MYO15B: variants seen among roughly 807,000 people sequenced by gnomAD.
MYO15B encodes myosin XVB pseudogene.
MYO15B carries 207 observed loss-of-function variants against 119.3 expected under a neutral mutation model. The ratio of observed to expected loss-of-function variants is 1.73; its 90% CI spans 1.55 to 1.95. The LOEUF is 1.95. MYO15B is among the 30% of genes most tolerant of loss of function. The probability of loss-of-function intolerance (pLI) is 0.00; values close to 1 mark genes in which losing one functional copy is unlikely to be tolerated. For synonymous variants in MYO15B, 966 were observed against 498.9 expected, an observed-to-expected ratio of 1.94 and a Z score of -12.48; for missense variants, 2,264 against 1,203.1, an observed-to-expected ratio of 1.88 and a Z score of -13.04.
At chr17:75,599,335 C>T (rs929333299) in intron 14 of MYO15B, among the ~76,000 whole-genome samples, 17 of 151,460 alleles carry the variant, frequency 1.1e-4, no homozygotes, top group South Asian at 8.3e-4. Flanking sequence ...AGTGCAGTGG[C>T]GTGATCTTGG....
intron 49 of MYO15B, 126 bp from the exon 50 acceptor site, chr17:75,620,905 C>T (rs2058670110): frequency 2.8e-6 from 2 of 702,202 alleles, no homozygotes; most frequent in African/African-American, 1.7e-5. Context: ...TAATAAACAG[C>T]TCTTCACTTT....
chr17:75,612,718 C>T (rs1444499725), intron 25 of MYO15B, 80 bp from the exon 26 acceptor site: 5 of 690,216 alleles, frequency 7.2e-6, no homozygotes, highest in African/African-American at 3.5e-5. Context: ...CTGCCTCTCC[C>T]GAGGTGCCTG....
chr17:75,622,214 G>T (rs895132905), intron 53 of MYO15B, 134 bp downstream of exon 53: 9 of 629,664 alleles, frequency 1.4e-5, no homozygotes, highest in African/African-American at 5.4e-5. Context: ...CGTGCAGGGG[G>T]GTGTGGCTGT....
chr17:75,616,500 C>T, intron 38 of MYO15B, 24 bp from the exon 39 acceptor site: 2 of 693,888 alleles, frequency 2.9e-6, no homozygotes, highest in Admixed American at 4.1e-5. Context: ...ACGCGGTTAA[C>T]AGTCTTTCCT....
Position 75,621,344 on chromosome 17 carries a change from G to A in MYO15B, c.7872-1G>A, listed in dbSNP as rs1240641621. The A allele has an allele frequency of 2.9e-6, 2 of 699,562 alleles. No homozygotes were observed. The highest frequency in any genetic ancestry group is 3.5e-5 in the African/African-American group (2 of 57,204). The allele number at this position is 699,562 out of a possible 1,614,324, so 43.3% of individuals were successfully genotyped here. On this transcript the variant is annotated splice_acceptor_variant, in intron 50 of 63. Transcript: ENST00000645453. LOFTEE classifies it high-confidence loss of function. ...GGGCTGTCTCCCTCTGCCCCCCACAGGCTGGGCCAGACTGATGGAGGTGCC... is the reference window on the plus strand; with the variant it reads ...GGGCTGTCTCCCTCTGCCCCCCACAAGCTGGGCCAGACTGATGGAGGTGCC...
intron 5 of MYO15B, 132 bp downstream of exon 5, chr17:75,591,844 G>A (rs571477697): frequency 1.7e-4 from 113 of 668,490 alleles, no homozygotes; most frequent in Admixed American, 1.3e-3. Flanking sequence ...GGCCTCTGGC[G>A]TCTCCTGGGG....
chr17:75,607,625 T>C (rs968476031), intron 21 of MYO15B, among the ~76,000 whole-genome samples: 4 of 151,658 alleles, frequency 2.6e-5, no homozygotes, highest in Admixed American at 2.0e-4. Flanking sequence ...GCCCGGCTAA[T>C]TTTTCATATT....
chr17:75,617,116 C>T (rs1222815883), exon 41 of MYO15B: 5 of 677,772 alleles, frequency 7.4e-6, no homozygotes, highest in South Asian at 4.6e-5. Context: ...AAGGGCCCCC[C>T]GCCAGCTGTG....
At chr17:75,623,896 C>T in intron 54 of MYO15B, 42 bp downstream of exon 54, 1 of 702,792 alleles carries the variant, frequency 1.4e-6, no homozygotes, top group Non-Finnish European at 2.6e-6. Context: ...CTTCTGGGGG[C>T]AGCTGGGCAC....
At chr17:75,623,677 T>C (rs2058835708) in intron 53 of MYO15B, 104 bp from the exon 54 acceptor site, 2 of 663,194 alleles carry the variant, frequency 3.0e-6, no homozygotes, top group Admixed American at 2.2e-5. Context: ...GAGAGACATC[T>C]TGAGCCAGCC....
At chr17:75,626,114 G>A (rs1315253180) in exon 63 of MYO15B, 4 of 703,104 alleles carry the variant, frequency 5.7e-6, no homozygotes, top group Admixed American at 4.0e-5. Context: ...TTGCCCTGAA[G>A]AGCCTGCAGC....
intron 21 of MYO15B, among the ~76,000 whole-genome samples, chr17:75,609,349 CT>C (rs1235466643): frequency 6.6e-6 from 1 of 150,558 alleles, no homozygotes; most frequent in Non-Finnish European, 1.5e-5. Flanking sequence ...TTTAAAAAAT[CT>C]TTTTTGTAGA....
intron 12 of MYO15B, 155 bp from the exon 13 acceptor site, chr17:75,596,305 G>A: frequency 1.6e-6 from 1 of 607,698 alleles, no homozygotes; most frequent in Non-Finnish European, 3.0e-6. Flanking sequence ...GGTAGCCCGT[G>A]TGCTGTGCCG....
At chr17:75,603,061 C>G (rs746123365) in exon 18 of MYO15B, 1 of 703,256 alleles carries the variant, frequency 1.4e-6, no homozygotes, top group African/African-American at 1.7e-5. Context: ...CAGTGCCTCA[C>G]CCCTAACCCT....
exon 55 of MYO15B, chr17:75,623,992 G>A (rs1281608362): frequency 1.4e-6 from 1 of 703,024 alleles, no homozygotes. Flanking sequence ...CCTTCTCACA[G>A]GCTTCTTCCC....
exon 39 of MYO15B, chr17:75,616,755 G>A (rs1409666756): frequency 4.3e-6 from 3 of 703,034 alleles, no homozygotes; most frequent in South Asian, 1.5e-5. Flanking sequence ...AGCCGCCCGG[G>A]CCCCGTGCCT....
exon 61 of MYO15B, chr17:75,625,578 G>A (rs1487451394): frequency 8.5e-6 from 6 of 702,904 alleles, no homozygotes; most frequent in African/African-American, 1.7e-5. Flanking sequence ...AGGTGAACAC[G>A]GCCTCCATCA....
At position 75,612,955 on chromosome 17, in the gene MYO15B, T is replaced by C. The variant is rs1335943053; in HGVS notation, c.4732-19T>C. On this transcript the variant is annotated intron_variant, in intron 26 of 63. Coordinates refer to ENST00000645453, the Ensembl canonical transcript of MYO15B. ...CTGGGAGCCCCGCACGTCCTGTCCT[T>C]ACCCGGCTGTGTCGGCAGATGCTGC... 1 of 688,316 alleles carries C rather than the reference T, an allele frequency of 1.5e-6. No individual in the cohort carries two copies. Among genetic ancestry groups the C allele is most frequent in the Non-Finnish European group, 2.7e-6 (1 of 374,108 alleles). 42.6% of individuals were successfully genotyped at this position (688,316 alleles called of 1,614,324 possible). A position where few individuals can be genotyped will look rare whatever the true frequency, so the allele number is the denominator to read the frequency against.
rs956136693 is a variant in MYO15B, at chr17:75,591,048, C to A, written c.2360+32C>A. ...GACTCTGCCCCACTGACCCTCTGCTCACCTCCCAGGCAGCCCAGTCCCTGC... is the reference window on the plus strand; with the variant it reads ...GACTCTGCCCCACTGACCCTCTGCTAACCTCCCAGGCAGCCCAGTCCCTGC... On this transcript the variant is annotated intron_variant, in intron 3 of 63. Transcript: ENST00000645453. 1.1e-5 allele frequency: 7 copies of A among 660,070 alleles called. No homozygotes were observed. The African/African-American group carries it at 1.2e-4, about 12-fold the overall frequency. 40.9% of individuals were successfully genotyped at this position (660,070 alleles called of 1,614,324 possible).
Sources: gnomAD v4.1 joint callset for allele counts (sites outside exome capture counted in the v4.1 genomes callset) on GRCh38, gnomAD v4.1.1 for gene constraint, MANE v1.5 for transcripts, NCBI Gene and HGNC (gene_info 2026-07-23, HGNC 2026-07-21) for gene names.